Variants in SYNJ1 observed in about 807,000 individuals in gnomAD.
The protein encoded by SYNJ1 is polyphosphatidylinositol phosphatase SYNJ1.
A neutral mutation model predicts 168.2 loss-of-function variants in SYNJ1; 78 were observed. That is an observed-to-expected ratio of 0.46 (90% CI 0.39 to 0.56). The LOEUF is 0.56. Ranked by LOEUF, SYNJ1 falls within the 20% of genes least tolerant of loss-of-function variation. SYNJ1 has a pLI of 0.00. For synonymous variants in SYNJ1, 539 were observed against 548.6 expected, an observed-to-expected ratio of 0.98 and a Z score of 0.24; for missense variants, 1,303 against 1,597.6, an observed-to-expected ratio of 0.82 and a Z score of 3.14.
chr21:32,639,683 C>A lies in SYNJ1; in HGVS notation c.3685G>T (p.Glu1229Ter). Residue 1229 changes from glutamate to a stop codon, truncating the protein, a stop_gained, in exon 30 of 33, where the codon GAA becomes TAA. Transcript: ENST00000674351. LOFTEE classifies it high-confidence loss of function. Reference protein sequence around the residue: ...LTPESQSKTSETSKGSTFLPE... With the variant: ...LTPESQSKTS ...AAAGAGGACCTACCTTTCGACGTTT[C>A]TGATGTTTTGCTTTGGCTTTCAGGA... The A allele has an allele frequency of 6.2e-7, 1 of 1,614,092 alleles. No individual in the cohort carries two copies. The highest frequency in any genetic ancestry group is 1.1e-5 in the South Asian group (1 of 91,072).
At chr21:32,678,503 A>C (rs2041498687) in intron 12 of SYNJ1, 142 bp downstream of exon 12, 1 of 842,908 alleles carries the variant, frequency 1.2e-6, no homozygotes, top group African/African-American at 1.8e-5. Flanking sequence ...TCCCTTGGAG[A>C]ATGTACTTTT....
chr21:32,647,595 C>T (rs1189462222), intron 23 of SYNJ1, among the ~76,000 whole-genome samples: 1 of 152,200 alleles, frequency 6.6e-6, no homozygotes, highest in Non-Finnish European at 1.5e-5. Context: ...GGTTTGATCC[C>T]TCTAACTTTT....
At chr21:32,689,870 A>G (rs1361988658) in intron 6 of SYNJ1, among the ~76,000 whole-genome samples, 1 of 152,212 alleles carries the variant, frequency 6.6e-6, no homozygotes, top group Non-Finnish European at 1.5e-5. Flanking sequence ...ATGGTACTTA[A>G]TAATATTCAT....
Position 32,645,019 on chromosome 21 carries a change from A to G in SYNJ1, c.3392-13T>C. 5 of 1,599,146 alleles carry G rather than the reference A, an allele frequency of 3.1e-6. No homozygotes were observed. The highest frequency in any genetic ancestry group is 4.3e-6 in the Non-Finnish European group (5 of 1,175,478). ...GGACTCCTAGCCCCTTATAGTTCAT[A>G]AGAAAATAGGCAGCAGAAAGGAAAT... On this transcript the variant is annotated splice_polypyrimidine_tract_variant and intron_variant, in intron 25 of 32. Coordinates refer to ENST00000674351, the MANE Select transcript of SYNJ1 (RefSeq NM_203446.3).
chr21:32,647,019 A>C (rs545298238), intron 23 of SYNJ1, among the ~76,000 whole-genome samples: 2 of 152,234 alleles, frequency 1.3e-5, no homozygotes, highest in East Asian at 3.9e-4. Context: ...GGAGCCACAC[A>C]GTCTTCCCCC....
chr21:32,676,067 C>A (rs1246250103), intron 13 of SYNJ1, among the ~76,000 whole-genome samples: 1 of 152,148 alleles, frequency 6.6e-6, no homozygotes, highest in East Asian at 1.9e-4. Context: ...GAAATTAAAA[C>A]TAGCTGAATT....
At chr21:32,687,358 C>A (rs1336582318) in intron 7 of SYNJ1, among the ~76,000 whole-genome samples, 1 of 152,176 alleles carries the variant, frequency 6.6e-6, no homozygotes, top group African/African-American at 2.4e-5. Context: ...ACAAGACAGA[C>A]ACCAGCCATA....
intron 4 of SYNJ1, among the ~76,000 whole-genome samples, chr21:32,699,573 T>C (rs538514889): frequency 6.6e-4 from 101 of 152,294 alleles, no homozygotes; most frequent in African/African-American, 2.4e-3. Context: ...GGGGCATTCT[T>C]TCCAACACGT....
chr21:32,669,708 G>A (rs1424604935), intron 15 of SYNJ1, among the ~76,000 whole-genome samples: 1 of 152,120 alleles, frequency 6.6e-6, no homozygotes, highest in African/African-American at 2.4e-5. Flanking sequence ...CTATACTACA[G>A]CAGAGAATAA....
rs548458348 is a variant in SYNJ1 at position 32,694,848 on chromosome 21, G to C, written c.705+209C>G. ...AACACTGACTATGTCATGCTGATTAGTGACATCTTCTTACCTAGATGAAGA... is the reference window on the plus strand; with the variant it reads ...AACACTGACTATGTCATGCTGATTACTGACATCTTCTTACCTAGATGAAGA... On this transcript the variant is annotated intron_variant, in intron 5 of 32. Transcript: ENST00000674351. Among the ~76,000 whole-genome samples the C allele has an allele frequency of 1.3e-3, 200 of 152,220 alleles. 1 individual carries two copies. The highest frequency in any genetic ancestry group is 4.7e-3 in the African/African-American group (195 of 41,532).
At chr21:32,677,276 T>C (rs570006674) in intron 12 of SYNJ1, among the ~76,000 whole-genome samples, 9 of 152,166 alleles carry the variant, frequency 5.9e-5, no homozygotes, top group Non-Finnish European at 1.0e-4. Context: ...TGCATTTACC[T>C]AGTGTTGCTT....
Position 32,630,865 on chromosome 21 carries a change from A to AAATAGTG in SYNJ1, c.*933_*939dup. ...CACATAGTCCAACTCTGTACACATCAAATAGTGGTGTTTTGTGAAGATATC... is the reference window on the plus strand; with the variant it reads ...CACATAGTCCAACTCTGTACACATCAAATAGTGAATAGTGGTGTTTTGTGAAGATATC... On this transcript the variant is annotated 3_prime_UTR_variant, in exon 33 of 33. Transcript: ENST00000674351. 1.1e-6 allele frequency: 1 copy of AAATAGTG among 888,076 alleles called. No homozygotes were observed. Among genetic ancestry groups the AAATAGTG allele is most frequent in the Non-Finnish European group, 1.7e-6 (1 of 591,276 alleles). 55.0% of individuals were successfully genotyped at this position (888,076 alleles called of 1,614,324 possible).
Position 32,631,712 on chromosome 21 carries a change from T to A in SYNJ1, c.*93A>T. Reference sequence around the variant, plus strand: ...TTTGAACAGATAGCTGAGCCTTTGATACAGCAAGCAGATTAAATGACAGAT... The same window carrying A: ...TTTGAACAGATAGCTGAGCCTTTGAAACAGCAAGCAGATTAAATGACAGAT... On this transcript the variant is annotated 3_prime_UTR_variant, in exon 33 of 33. Coordinates refer to ENST00000674351, the MANE Select transcript of SYNJ1 (RefSeq NM_203446.3). 1.2e-6 allele frequency: 2 copies of A among 1,614,198 alleles called. No homozygotes were observed. Among genetic ancestry groups the A allele is most frequent in the Non-Finnish European group, 1.7e-6 (2 of 1,180,038 alleles).
chr21:32,646,607 G>A lies in SYNJ1; in HGVS notation c.3038-5C>T, dbSNP rs879885769. On this transcript the variant is annotated splice_polypyrimidine_tract_variant and splice_region_variant and intron_variant, in intron 23 of 32. Coordinates refer to ENST00000674351, the MANE Select transcript of SYNJ1 (RefSeq NM_203446.3). ...CACTATAGTCATCAACATCACCTAA[G>A]GAAAAGCAGGCTTGATCAGAGATAA... 1.2e-6 allele frequency: 2 copies of A among 1,611,238 alleles called. No individual in the cohort carries two copies. The highest frequency in any genetic ancestry group is 1.7e-6 in the Non-Finnish European group (2 of 1,177,646).
chr21:32,685,425 C>CAAGAAAAA (rs2041797013), intron 9 of SYNJ1, among the ~76,000 whole-genome samples: 1 of 67,240 alleles, frequency 1.5e-5, no homozygotes, highest in Non-Finnish European at 2.7e-5. Context: ...CCGTCTCTAC[C>CAAGAAAAA]AAAAAAAAAA....
At position 32,726,719 on chromosome 21, in the gene SYNJ1, G is replaced by A. The variant is rs531514250; in HGVS notation, c.124+53C>T. 95 of 1,601,738 alleles carry A rather than the reference G, an allele frequency of 5.9e-5. 2 individuals are homozygous for A. The South Asian group carries it at 9.8e-4, about 17-fold the overall frequency. On this transcript the variant is annotated intron_variant, in intron 2 of 32. Coordinates refer to ENST00000674351, the MANE Select transcript of SYNJ1 (RefSeq NM_203446.3). ...TCTAAAAAATGGTTGCATCTGAATT[G>A]TTTCAAATCAAAACAGAGACCATGA...
In SYNJ1 at chr21:32,700,069, C is replaced by T; in HGVS notation, c.248G>A (p.Gly83Glu). Residue 83 changes from glycine to glutamate, a missense_variant, in exon 4 of 33, where the codon GGA (glycine) becomes GAA (glutamate). Around this residue, in one of 2 missense-constraint regions of SYNJ1, gnomAD observed 920 missense variants for 1,208.8 expected, o/e 0.76. Transcript: ENST00000674351. ...TTGAATTTTTCCAACAGACATACAT[C>T]CAGTGACTAGGACCAGATAATGTAA... is the stretch of plus-strand genomic sequence containing the variant. The part of the protein sequence containing the change: ...TMLHYLVLVT[G>E]CMSVGKIQES... 6.2e-7 allele frequency: 1 copy of T among 1,614,058 alleles called. No individual in the cohort carries two copies. Among genetic ancestry groups the T allele is most frequent in the South Asian group, 1.1e-5 (1 of 91,068 alleles).
At position 32,700,076 on chromosome 21, in the gene SYNJ1, C is replaced by G; in HGVS notation, c.241G>C (p.Val81Leu). The change falls in exon 4 of 33, where the codon GTC (valine) becomes CTC (leucine). Residue 81 changes from valine (V) to leucine (L), a missense_variant. Val to Leu is a conservative substitution (Grantham distance 32). Around this residue, in one of 2 missense-constraint regions of SYNJ1, gnomAD observed 920 missense variants for 1,208.8 expected, o/e 0.76. Coordinates refer to ENST00000674351, the MANE Select transcript of SYNJ1 (RefSeq NM_203446.3). ...TTTCCAACAGACATACATCCAGTGA[C>G]TAGGACCAGATAATGTAACATAGTA... ...GDTMLHYLVL[V>L]TGCMSVGKIQ... The G allele has an allele frequency of 6.2e-7, 1 of 1,613,956 alleles. No individual in the cohort carries two copies. The highest frequency in any genetic ancestry group is 1.7e-5 in the Admixed American group (1 of 60,008).
At chr21:32,672,859 A>G (rs1249992241) in intron 14 of SYNJ1, among the ~76,000 whole-genome samples, 1 of 152,220 alleles carries the variant, frequency 6.6e-6, no homozygotes, top group African/African-American at 2.4e-5. Context: ...GAGGATTAAG[A>G]ATTGAAAAAT....
Sources: gnomAD v4.1 joint callset for allele counts (sites outside exome capture counted in the v4.1 genomes callset) on GRCh38, gnomAD v4.1.1 for gene constraint, gnomAD v4.1.1 regional missense constraint, MANE v1.5 for transcripts, NCBI Gene and HGNC (gene_info 2026-07-23, HGNC 2026-07-21) for gene names.